SH3KBP1: variants seen among roughly 807,000 people sequenced by gnomAD.
SH3KBP1 encodes the protein SH3 domain containing kinase binding protein 1.
In SH3KBP1, 8 loss-of-function variants were observed where a neutral mutation model predicts 50.1. That is an observed-to-expected ratio of 0.16 (90% CI 0.09 to 0.29). The LOEUF (loss-of-function observed/expected upper bound fraction) is 0.29. Among genes scored for constraint, SH3KBP1 ranks in the 10% least tolerant of loss-of-function variants. SH3KBP1 has a pLI of 1.00. For missense variants in SH3KBP1, 377 were observed against 535.2 expected (o/e 0.70, Z 2.92); for synonymous variants, 227 against 218.6 (o/e 1.04, Z -0.34).
intron 1 of SH3KBP1, among the ~76,000 whole-genome samples, chrX:19,851,543 A>G (rs1395020016): frequency 8.9e-6 from 1 of 112,013 alleles, no homozygotes; most frequent in Non-Finnish European, 1.9e-5. Flanking sequence ...CCAAATGAAA[A>G]TATACTCTTT....
At chrX:19,554,075 TTA>T (rs1345549058) in intron 13 of SH3KBP1, among the ~76,000 whole-genome samples, 1 of 56,607 alleles carries the variant, frequency 1.8e-5, no homozygotes, top group African/African-American at 9.3e-5. Context: ...TTAAAATACA[TTA>T]TATATATTAA....
rs1383748986 is a variant in SH3KBP1 at position 19,542,320 on chromosome X, T to C, written c.1624-127A>G. ...CTCTCCACACACTCCATTCACTTGT[T>C]CCTTCATCCACAAGCCACCAAGGGC... On this transcript the variant is annotated intron_variant, in intron 15 of 17. Transcript: ENST00000397821. The C allele has an allele frequency of 5.3e-5, 37 of 692,640 alleles. No individual in the cohort carries two copies. In the East Asian group the frequency reaches 1.4e-3, roughly 25 times the overall value. 57.1% of individuals were successfully genotyped at this position (692,640 alleles called of 1,213,427 possible).
chrX:19,735,555 C>A (rs1294457846), intron 3 of SH3KBP1, among the ~76,000 whole-genome samples: 1 of 109,531 alleles, frequency 9.1e-6, no homozygotes, highest in Non-Finnish European at 1.9e-5. Flanking sequence ...CTTGTGAATT[C>A]TTCTTTGGCT....
At chrX:19,578,990 A>G (rs1047640656) in intron 12 of SH3KBP1, among the ~76,000 whole-genome samples, 3 of 111,620 alleles carry the variant, frequency 2.7e-5, no homozygotes, top group African/African-American at 9.8e-5. Context: ...CAGGAATCAC[A>G]GGAACTTTTG....
chrX:19,595,593 T>G (rs937491538), intron 9 of SH3KBP1, among the ~76,000 whole-genome samples: 3 of 110,501 alleles, frequency 2.7e-5, no homozygotes, highest in African/African-American at 6.6e-5. Flanking sequence ...TTGGTTTGTT[T>G]TTTTTTTTTT....
chrX:19,600,653 T>A (rs1268452557), intron 9 of SH3KBP1, among the ~76,000 whole-genome samples: 1 of 111,386 alleles, frequency 9.0e-6, no homozygotes, highest in African/African-American at 3.3e-5. Flanking sequence ...GTGTGGAGTT[T>A]AACAGTAATA....
chrX:19,753,603 G>A (rs764557782), intron 2 of SH3KBP1, among the ~76,000 whole-genome samples: 2 of 111,369 alleles, frequency 1.8e-5, no homozygotes, highest in African/African-American at 6.5e-5. Flanking sequence ...CAAAAGGCTG[G>A]TCTGTCTCAG....
chrX:19,775,982 ATGT>A (rs1337637229), intron 2 of SH3KBP1, among the ~76,000 whole-genome samples: 1 of 111,174 alleles, frequency 9.0e-6, no homozygotes, highest in Admixed American at 9.6e-5. Context: ...CAAGAATAAG[ATGT>A]TGTCCTCATC....
intron 2 of SH3KBP1, among the ~76,000 whole-genome samples, chrX:19,757,740 C>T (rs191394236): frequency 1.8e-5 from 2 of 110,864 alleles, no homozygotes; most frequent in African/African-American, 3.3e-5. Flanking sequence ...CCCGGGCGTG[C>T]GTCCTTAACT....
rs1165719759 is a variant in SH3KBP1, at chrX:19,887,426, C to G, written c.-116G>C. The stretch of plus-strand genomic sequence containing the variant: ...TCCAGGCGCGAGGGTCCGGACGCGG[C>G]GGCGGCTGGGCCGGCTTCTTCCTCA... On this transcript the variant is annotated 5_prime_UTR_variant, in exon 1 of 18. Coordinates refer to ENST00000397821, the MANE Select transcript of SH3KBP1 (RefSeq NM_031892.3). 8.8e-5 allele frequency: 55 copies of G among 625,285 alleles called. No individual in the cohort carries two copies. The highest frequency in any genetic ancestry group is 1.1e-4 in the Non-Finnish European group (55 of 479,259). The allele number at this position is 625,285 out of a possible 1,213,427, so 51.5% of individuals were successfully genotyped here. A position where few individuals can be genotyped will look rare whatever the true frequency, so the allele number is the denominator to read the frequency against.
In SH3KBP1 at chrX:19,535,205, G is replaced by T; in HGVS notation, c.*1212C>A. 1.1e-5 allele frequency: 3 copies of T among 264,313 alleles called. No homozygotes were observed. 21.8% of individuals were successfully genotyped at this position (264,313 alleles called of 1,213,427 possible). A position where few individuals can be genotyped will look rare whatever the true frequency, so the allele number is the denominator to read the frequency against. On this transcript the variant is annotated 3_prime_UTR_variant, in exon 18 of 18. Transcript: ENST00000397821. ...AGATAAAGCGGACAGGCAAACATCAGTTTCCTTGGGAAAGAAAAAGCAACT... is the reference window on the plus strand; with the variant it reads ...AGATAAAGCGGACAGGCAAACATCATTTTCCTTGGGAAAGAAAAAGCAACT...
chrX:19,746,524 T>C, intron 2 of SH3KBP1, 83 bp from the exon 3 acceptor site: 1 of 953,209 alleles, frequency 1.0e-6, no homozygotes. Context: ...TCCATCTTTC[T>C]GGAAATGAAC....
At chrX:19,702,798 A>G (rs929725139) in intron 4 of SH3KBP1, among the ~76,000 whole-genome samples, 3 of 112,284 alleles carry the variant, frequency 2.7e-5, no homozygotes, top group Non-Finnish European at 3.8e-5. Flanking sequence ...TGTTCTTCCT[A>G]TAATTAGAAC....
At chrX:19,710,409 A>G (rs1397596102) in intron 3 of SH3KBP1, among the ~76,000 whole-genome samples, 1 of 111,868 alleles carries the variant, frequency 8.9e-6, no homozygotes, top group Non-Finnish European at 1.9e-5. Context: ...CAGAAGGTCA[A>G]TAGTAGCCAA....
intron 2 of SH3KBP1, among the ~76,000 whole-genome samples, chrX:19,759,892 A>G (rs750701353): frequency 9.0e-6 from 1 of 111,177 alleles, no homozygotes; most frequent in Admixed American, 9.5e-5. Context: ...ACATTCTTAC[A>G]TTGCTTAAAA....
intron 3 of SH3KBP1, among the ~76,000 whole-genome samples, chrX:19,727,970 T>C (rs935214939): frequency 3.6e-5 from 4 of 111,942 alleles, no homozygotes; most frequent in East Asian, 5.6e-4. Flanking sequence ...CGAGACACCA[T>C]CTCAAATAAA....
intron 3 of SH3KBP1, among the ~76,000 whole-genome samples, chrX:19,742,911 C>T (rs1360925865): frequency 1.8e-5 from 2 of 111,866 alleles, no homozygotes; most frequent in Admixed American, 9.5e-5. Context: ...AAATGAAAAA[C>T]GACTTCTTAT....
In SH3KBP1 at chrX:19,836,113, C is replaced by T; in HGVS notation, c.162+12G>A. The T allele has an allele frequency of 8.3e-7, 1 of 1,209,515 alleles. No individual in the cohort carries two copies. The highest frequency in any genetic ancestry group is 1.8e-5 in the South Asian group (1 of 56,720). On this transcript the variant is annotated intron_variant, in intron 2 of 17. Coordinates refer to ENST00000397821, the MANE Select transcript of SH3KBP1 (RefSeq NM_031892.3). ...CACAGGAGACAGGAAAAGGGTTTTG[C>T]TTTGTACTCACTCTTACAAAGTTGT...
At chrX:19,828,799 A>C (rs1016012209) in intron 2 of SH3KBP1, among the ~76,000 whole-genome samples, 1 of 111,549 alleles carries the variant, frequency 9.0e-6, no homozygotes, top group African/African-American at 3.3e-5. Context: ...TAAAAAAATA[A>C]ATTAAAAATC....
Sources: allele counts gnomAD v4.1 joint callset (sites outside exome capture counted in the v4.1 genomes callset), GRCh38; gene constraint gnomAD v4.1.1; transcripts MANE v1.5; gene names NCBI Gene and HGNC (gene_info 2026-07-23, HGNC 2026-07-21).